The following ITGA2 variants were observed in gnomAD, a reference collection of about 807,000 sequenced individuals.
The protein encoded by ITGA2 is integrin alpha-2.
Under a neutral mutation model 146.3 loss-of-function variants are expected in ITGA2, and 101 were observed. The ratio of observed to expected loss-of-function variants is 0.69; its 90% CI spans 0.59 to 0.81. The LOEUF is 0.81. Ranked by LOEUF, ITGA2 falls within the 40% of genes least tolerant of loss-of-function variation. The pLI is 0.00. For missense variants in ITGA2, 1,281 were observed against 1,402.7 expected, an observed-to-expected ratio of 0.91 and a Z score of 1.39; for synonymous variants, 477 against 487.1, an observed-to-expected ratio of 0.98 and a Z score of 0.27.
chr5:53,049,696 A>AT lies in ITGA2; in HGVS notation c.630+936dup, dbSNP rs930452060. 6.2e-3 allele frequency among the ~76,000 whole-genome samples: 924 copies of AT among 149,214 alleles called. 9 individuals carry two copies. The highest frequency in any genetic ancestry group is 0.022 in the African/African-American group (876 of 40,664). ...TTTAAAGTTCAGTTTCTGGTTTTGG[A>AT]TTTTTTTTTTCCTTTCTGATTGAAT... On this transcript the variant is annotated intron_variant, in intron 6 of 29. Coordinates refer to ENST00000296585, the MANE Select transcript of ITGA2 (RefSeq NM_002203.4).
intron 23 of ITGA2, among the ~76,000 whole-genome samples, chr5:53,077,256 C>T (rs542489057): frequency 8.6e-5 from 13 of 151,870 alleles, no homozygotes; most frequent in Middle Eastern, 6.8e-3. Flanking sequence ...TTTGTTTAAC[C>T]ATCATAAGCA....
chr5:53,014,354 T>A (rs1420674880), intron 1 of ITGA2, among the ~76,000 whole-genome samples: 1 of 152,230 alleles, frequency 6.6e-6, no homozygotes, highest in African/African-American at 2.4e-5. Context: ...TCTATTCAGA[T>A]GATCATGTGG....
At chr5:53,071,439 C>T (rs986168383) in intron 17 of ITGA2, among the ~76,000 whole-genome samples, 3 of 151,692 alleles carry the variant, frequency 2.0e-5, no homozygotes, top group Admixed American at 6.6e-5. Flanking sequence ...TTGCTAAGCC[C>T]GCAGCCAGCC....
chr5:53,004,868 C>T (rs971663948), intron 1 of ITGA2, among the ~76,000 whole-genome samples: 10 of 137,988 alleles, frequency 7.2e-5, no homozygotes, highest in African/African-American at 2.8e-4. Flanking sequence ...TCCAAAAGGC[C>T]TACAACTTCT....
At chr5:53,069,663 G>A (rs529890547) in intron 16 of ITGA2, among the ~76,000 whole-genome samples, 1 of 151,896 alleles carries the variant, frequency 6.6e-6, no homozygotes, top group African/African-American at 2.4e-5. Context: ...TGAAAAATAA[G>A]ATAATAAAAT....
chr5:52,989,641 C>A, intron 1 of ITGA2, 109 bp downstream of exon 1: 2 of 1,221,014 alleles, frequency 1.6e-6, no homozygotes, highest in South Asian at 1.2e-5. Flanking sequence ...TGTGTTCCCT[C>A]GGATTCCACG....
chr5:53,040,356 A>G (rs1264303968), intron 2 of ITGA2, among the ~76,000 whole-genome samples: 1 of 152,176 alleles, frequency 6.6e-6, no homozygotes, highest in Non-Finnish European at 1.5e-5. Flanking sequence ...CAGATGGAGA[A>G]AATCAAGGCT....
In ITGA2 at chr5:53,048,663, G is replaced by A. The variant is rs555068751; in HGVS notation, c.523G>A (p.Val175Ile). 17 of 1,613,998 alleles carry A rather than the reference G, an allele frequency of 1.1e-5. No homozygotes were observed. In the East Asian group the frequency reaches 2.9e-4, roughly 28 times the overall value. ...ATQPCPSLID[V>I]VVVCDESNSI... Reference sequence around the variant, plus strand: ...TGTAGCCTGCCCTTCCCTCATAGATGTTGTGGTTGTGTGTGATGAATCAAA... The same window carrying A: ...TGTAGCCTGCCCTTCCCTCATAGATATTGTGGTTGTGTGTGATGAATCAAA... The change falls in exon 6 of 30, where the codon GTT becomes ATT. Residue 175 changes from valine (V) to isoleucine (I), a missense_variant. Physicochemically the swap from Val to Ile is conservative, Grantham distance 29. Transcript: ENST00000296585.
rs1274104305 is a variant in ITGA2, at chr5:53,062,837, A to G, written c.1510A>G (p.Thr504Ala). 1 of 1,611,802 alleles carries G rather than the reference A, an allele frequency of 6.2e-7. No individual in the cohort carries two copies. The highest frequency in any genetic ancestry group is 8.5e-7 in the Non-Finnish European group (1 of 1,178,470). ...VLCSVDVDKDTITDVLLVGAP... is the reference protein window; with the variant it reads ...VLCSVDVDKDAITDVLLVGAP... ...GTGTTCAGTTGATGTGGATAAAGAC[A>G]CCATTACAGACGTGCTCTTGGTAGG... Residue 504 changes from threonine to alanine, a missense_variant, in exon 13 of 30, where the codon ACC (threonine) becomes GCC (alanine). Around this residue, in one of 3 missense-constraint regions of ITGA2, gnomAD observed 795 missense variants for 841.7 expected, o/e 0.94. Transcript: ENST00000296585.
At chr5:53,079,706 G>A (rs3212608) in intron 24 of ITGA2, among the ~76,000 whole-genome samples, 297 of 152,170 alleles carry the variant, frequency 2.0e-3, no homozygotes, top group African/African-American at 6.9e-3. Context: ...TATAAAATGT[G>A]GATGGTATTT....
intron 1 of ITGA2, among the ~76,000 whole-genome samples, chr5:52,990,563 GT>G (rs1190765664): frequency 2.3e-4 from 21 of 90,168 alleles, no homozygotes; most frequent in African/African-American, 7.3e-4. Flanking sequence ...TAAAGTGTGT[GT>G]GTGGTTTTTT....
At chr5:53,061,756 A>G (rs1744913578) in intron 12 of ITGA2, among the ~76,000 whole-genome samples, 1 of 151,842 alleles carries the variant, frequency 6.6e-6, no homozygotes. Flanking sequence ...AGCATCACTA[A>G]TCCCTGACAA....
intron 2 of ITGA2, among the ~76,000 whole-genome samples, chr5:53,029,858 T>C (rs1394509801): frequency 6.6e-6 from 1 of 152,208 alleles, no homozygotes; most frequent in Non-Finnish European, 1.5e-5. Flanking sequence ...AAGTGAGCTA[T>C]AGTAGACTGA....
At chr5:53,074,238 AT>A in intron 20 of ITGA2, 146 bp from the exon 21 acceptor site, 1 of 706,018 alleles carries the variant, frequency 1.4e-6, no homozygotes, top group Non-Finnish European at 2.6e-6. Context: ...GCAGTATAAA[AT>A]TTCAAGTCTT....
At chr5:53,027,350 G>A (rs911653913) in intron 2 of ITGA2, among the ~76,000 whole-genome samples, 4 of 152,052 alleles carry the variant, frequency 2.6e-5, no homozygotes, top group African/African-American at 9.7e-5. Flanking sequence ...TGTGGTGAAG[G>A]GTCCTCACAA....
chr5:53,004,123 G>A (rs763239571), intron 1 of ITGA2, among the ~76,000 whole-genome samples: 1 of 152,072 alleles, frequency 6.6e-6, no homozygotes, highest in Non-Finnish European at 1.5e-5. Context: ...TACTCCAGCT[G>A]CCCTAGAGTG....
chr5:53,024,664 T>G (rs1370525112), intron 1 of ITGA2, among the ~76,000 whole-genome samples: 1 of 152,218 alleles, frequency 6.6e-6, no homozygotes, highest in Non-Finnish European at 1.5e-5. Context: ...AGCAAAGTCC[T>G]ACATGCCGTA....
chr5:52,989,925 C>T (rs185022148), intron 1 of ITGA2, among the ~76,000 whole-genome samples: 129 of 151,670 alleles, frequency 8.5e-4, no homozygotes, highest in African/African-American at 2.8e-3. Flanking sequence ...CTTCCCCTGG[C>T]TCAGACAGGT....
At chr5:53,076,382 C>G (rs1015978693) in intron 23 of ITGA2, among the ~76,000 whole-genome samples, 44 of 152,160 alleles carry the variant, frequency 2.9e-4, no homozygotes, top group African/African-American at 1.0e-3. Flanking sequence ...AATATGTCAT[C>G]ATGTCTAGAG....
Sources: gnomAD v4.1 joint callset for allele counts (sites outside exome capture counted in the v4.1 genomes callset) on GRCh38, gnomAD v4.1.1 for gene constraint, gnomAD v4.1.1 regional missense constraint, MANE v1.5 for transcripts, NCBI Gene and HGNC (gene_info 2026-07-23, HGNC 2026-07-21) for gene names.